PPARGC1A: variants seen among roughly 807,000 people sequenced by gnomAD.
PPARGC1A encodes the protein PPARG coactivator 1 alpha, also known as peroxisome proliferator-activated receptor gamma coactivator 1-alpha.
In PPARGC1A, 25 loss-of-function variants were observed where a neutral mutation model predicts 88.7. The ratio of observed to expected loss-of-function variants is 0.28; its 90% CI spans 0.21 to 0.39. The LOEUF is 0.39. Among genes scored for constraint, PPARGC1A ranks in the 10% least tolerant of loss-of-function variants. The pLI is 1.00. For synonymous variants in PPARGC1A, 363 were observed against 355.6 expected, an observed-to-expected ratio of 1.02 and a Z score of -0.24; for missense variants, 880 against 968.7, an observed-to-expected ratio of 0.91 and a Z score of 1.22.
chr4:24,025,109 C>T, the PPARGC1A span, among the ~76,000 whole-genome samples: 1 of 152,134 alleles, frequency 6.6e-6, no homozygotes, highest in Non-Finnish European at 1.5e-5. Flanking sequence ...AATTTCCTTT[C>T]CTAATGGTGA....
At chr4:24,019,215 T>C in the PPARGC1A span, among the ~76,000 whole-genome samples, 1 of 152,182 alleles carries the variant, frequency 6.6e-6, no homozygotes, top group Non-Finnish European at 1.5e-5. Context: ...ACCAAATCTT[T>C]GGACATATTC....
At chr4:24,408,497 GA>G in the PPARGC1A span, among the ~76,000 whole-genome samples, 2 of 152,164 alleles carry the variant, frequency 1.3e-5, no homozygotes, top group African/African-American at 2.4e-5. Context: ...CCCTCCATTG[GA>G]TCTGAGGTGG....
the PPARGC1A span, among the ~76,000 whole-genome samples, chr4:24,206,742 A>G: frequency 6.7e-6 from 1 of 148,350 alleles, no homozygotes; most frequent in Non-Finnish European, 1.5e-5. Context: ...CAGGAGGCTG[A>G]GGCAGAAGAA....
chr4:23,884,843 G>C lies in PPARGC1A; in HGVS notation c.143C>G (p.Thr48Arg), dbSNP rs1716590834. Residue 48 changes from threonine (T) to arginine (R), a missense_variant, in exon 2 of 13, where the codon ACA (threonine) becomes AGA (arginine). Transcript: ENST00000264867. The stretch of plus-strand genomic sequence containing the variant: ...CTTGAGTCCACCCAGAAAGCTGTCT[G>C]TATCCAAGTCGTTCACATCTAGTTC... The part of the protein sequence containing the change: ...LSELDVNDLD[T>R]DSFLGGLKWC... The C allele has an allele frequency of 6.2e-7, 1 of 1,613,904 alleles. No individual in the cohort carries two copies. Among genetic ancestry groups the C allele is most frequent in the South Asian group, 1.1e-5 (1 of 91,064 alleles).
chr4:23,963,664 G>A, the PPARGC1A span, among the ~76,000 whole-genome samples: 1 of 152,162 alleles, frequency 6.6e-6, no homozygotes, highest in Admixed American at 6.5e-5. Context: ...AGAGAAGTCA[G>A]TATGTTTCCC....
chr4:23,977,622 ACGGCACACG>A, the PPARGC1A span, among the ~76,000 whole-genome samples: 2 of 152,174 alleles, frequency 1.3e-5, no homozygotes, highest in Non-Finnish European at 2.9e-5. Flanking sequence ...GCAAACCACC[ACGGCACACG>A]TTTACCTATG....
the PPARGC1A span, among the ~76,000 whole-genome samples, chr4:24,227,105 T>C: frequency 6.6e-6 from 1 of 151,930 alleles, no homozygotes; most frequent in African/African-American, 2.4e-5. Flanking sequence ...CTTTTTTGGA[T>C]ACGGAGTCTC....
the PPARGC1A span, among the ~76,000 whole-genome samples, chr4:24,109,469 T>C: frequency 6.6e-6 from 1 of 152,176 alleles, no homozygotes; most frequent in Non-Finnish European, 1.5e-5. Flanking sequence ...TCTACCATAA[T>C]ATCTGGCTCC....
chr4:24,212,261 C>T, the PPARGC1A span, among the ~76,000 whole-genome samples: 1 of 152,214 alleles, frequency 6.6e-6, no homozygotes, highest in Non-Finnish European at 1.5e-5. Context: ...GATATCTGCA[C>T]ATCCTATAAA....
chr4:23,853,387 T>C (rs1382448516), intron 2 of PPARGC1A, among the ~76,000 whole-genome samples: 1 of 152,118 alleles, frequency 6.6e-6, no homozygotes, highest in Admixed American at 6.5e-5. Context: ...CTATTACTTG[T>C]TAAAGAAATG....
the PPARGC1A span, among the ~76,000 whole-genome samples, chr4:24,121,180 C>T: frequency 1.3e-5 from 2 of 152,184 alleles, no homozygotes; most frequent in Admixed American, 1.3e-4. Flanking sequence ...CTAGGGTGGC[C>T]AGAGCTTACA....
At chr4:24,244,071 G>T in the PPARGC1A span, among the ~76,000 whole-genome samples, 419 of 152,072 alleles carry the variant, frequency 2.8e-3, 1 homozygote, top group Non-Finnish European at 4.3e-3. Context: ...ACCTCCCTTG[G>T]GGCTTCCTAA....
chr4:24,085,283 C>T, the PPARGC1A span, among the ~76,000 whole-genome samples: 3 of 152,152 alleles, frequency 2.0e-5, no homozygotes, highest in Non-Finnish European at 2.9e-5. Flanking sequence ...CATGATTCGG[C>T]TTTATTTTCT....
the PPARGC1A span, among the ~76,000 whole-genome samples, chr4:24,073,248 T>C: frequency 1.3e-5 from 2 of 152,152 alleles, no homozygotes; most frequent in Admixed American, 1.3e-4. Flanking sequence ...TTTCCCATGT[T>C]GACCAGGATG....
At chr4:23,935,467 T>A in the PPARGC1A span, among the ~76,000 whole-genome samples, 1 of 152,192 alleles carries the variant, frequency 6.6e-6, no homozygotes, top group South Asian at 2.1e-4. Flanking sequence ...AGCTGTATCA[T>A]CATAATGATA....
At chr4:23,799,091 T>C (rs568280202) in intron 12 of PPARGC1A, among the ~76,000 whole-genome samples, 2 of 152,194 alleles carry the variant, frequency 1.3e-5, no homozygotes, top group Non-Finnish European at 2.9e-5. Flanking sequence ...ATTTTTGCTT[T>C]ACTATTGTGA....
intron 2 of PPARGC1A, among the ~76,000 whole-genome samples, chr4:23,868,427 A>C (rs1712523083): frequency 6.6e-6 from 1 of 152,104 alleles, no homozygotes; most frequent in African/African-American, 2.4e-5. Flanking sequence ...TGGGAAGGTC[A>C]TGTTATATTC....
the PPARGC1A span, among the ~76,000 whole-genome samples, chr4:24,268,777 T>C: frequency 1.0e-3 from 152 of 152,370 alleles, no homozygotes; most frequent in Admixed American, 1.9e-3. Flanking sequence ...AAAATAATTC[T>C]GATTAAAATA....
At chr4:24,249,402 C>T in the PPARGC1A span, among the ~76,000 whole-genome samples, 2 of 152,266 alleles carry the variant, frequency 1.3e-5, no homozygotes, top group East Asian at 3.9e-4. Context: ...ATCTGTGAGG[C>T]CGCGTTCAGG....
Sources: allele counts gnomAD v4.1 joint callset (sites outside exome capture counted in the v4.1 genomes callset), GRCh38; gene constraint gnomAD v4.1.1; transcripts MANE v1.5; gene names NCBI Gene and HGNC (gene_info 2026-07-23, HGNC 2026-07-21).